Variants in SOX5 observed in about 807,000 individuals in gnomAD.
SOX5 encodes transcription factor SOX-5.
SOX5 carries 9 observed loss-of-function variants against 92.0 expected under a neutral mutation model. The ratio of observed to expected loss-of-function variants is 0.10; its 90% CI spans 0.06 to 0.17. The LOEUF (loss-of-function observed/expected upper bound fraction) is 0.17. Ranked by LOEUF, SOX5 falls within the 10% of genes least tolerant of loss-of-function variation. SOX5 has a pLI of 1.00. For missense variants in SOX5, 642 were observed against 944.5 expected (o/e 0.68, Z 4.20); for synonymous variants, 344 against 336.3 (o/e 1.02, Z -0.25).
intron 4 of SOX5, among the ~76,000 whole-genome samples, chr12:24,209,671 T>C (rs1299155403): frequency 6.6e-6 from 1 of 152,136 alleles, no homozygotes. Flanking sequence ...CCTCCCAAAT[T>C]ACTTTTTAAA....
chr12:23,630,912 T>C (rs2078447427), intron 8 of SOX5, among the ~76,000 whole-genome samples: 1 of 151,980 alleles, frequency 6.6e-6, no homozygotes, highest in Non-Finnish European at 1.5e-5. Flanking sequence ...TAAAATTGCT[T>C]TCATCATTTT....
At chr12:24,059,135 G>A (rs1053107674) in intron 4 of SOX5, among the ~76,000 whole-genome samples, 10 of 152,082 alleles carry the variant, frequency 6.6e-5, no homozygotes, top group Non-Finnish European at 1.5e-4. Flanking sequence ...CACATATACT[G>A]TATGCATATT....
chr12:24,123,743 C>A lies in SOX5; in HGVS notation c.-2+89600G>T, dbSNP rs1593369644. Among the ~76,000 whole-genome samples, 3 of 152,204 alleles carry A rather than the reference C, an allele frequency of 2.0e-5. No individual in the cohort carries two copies. The South Asian group carries it at 6.2e-4, about 31-fold the overall frequency. ...TAAATCATTTTGGCATAAATACCATCAGGCATATTCCAAAACAGAGAAACA... is the reference window on the plus strand; with the variant it reads ...TAAATCATTTTGGCATAAATACCATAAGGCATATTCCAAAACAGAGAAACA... On this transcript the variant is annotated intron_variant, in intron 4 of 4. Transcript: ENST00000446891.
At chr12:24,209,360 T>C (rs961848504) in intron 4 of SOX5, among the ~76,000 whole-genome samples, 3 of 152,220 alleles carry the variant, frequency 2.0e-5, no homozygotes, top group African/African-American at 7.2e-5. Flanking sequence ...AAGAATAATT[T>C]CCTTATTTAT....
chr12:24,362,298 C>A (rs917510405), intron 2 of SOX5, among the ~76,000 whole-genome samples: 2 of 143,928 alleles, frequency 1.4e-5, no homozygotes, highest in Non-Finnish European at 3.0e-5. Context: ...TTTGTTATTA[C>A]AAGTCACACA....
intron 1 of SOX5, among the ~76,000 whole-genome samples, chr12:24,503,552 A>G (rs141379193): frequency 8.6e-4 from 131 of 152,350 alleles, no homozygotes; most frequent in Non-Finnish European, 1.4e-3. Context: ...ACTGTTCACA[A>G]TAGCAAAGAC....
intron 4 of SOX5, among the ~76,000 whole-genome samples, chr12:24,014,701 G>A (rs1005666120): frequency 2.0e-5 from 3 of 152,138 alleles, no homozygotes; most frequent in South Asian, 2.1e-4. Context: ...GGAAAAAAGA[G>A]TAGAAAAGTC....
chr12:23,865,381 A>G (rs540722657), intron 2 of SOX5, among the ~76,000 whole-genome samples: 1 of 152,320 alleles, frequency 6.6e-6, no homozygotes, highest in Admixed American at 6.5e-5. Context: ...ATTATTTAAG[A>G]AATACATTTT....
intron 8 of SOX5, among the ~76,000 whole-genome samples, chr12:23,610,723 C>T (rs1160089095): frequency 6.6e-6 from 1 of 151,874 alleles, no homozygotes; most frequent in Non-Finnish European, 1.5e-5. Flanking sequence ...ATTTCATTTG[C>T]TTGAGAGGAA....
At chr12:23,623,080 T>TTG (rs1435594955) in intron 8 of SOX5, among the ~76,000 whole-genome samples, 1 of 152,120 alleles carries the variant, frequency 6.6e-6, no homozygotes, top group East Asian at 1.9e-4. Flanking sequence ...AAAGTTGTGT[T>TTG]TGTGTGTGTG....
In SOX5 at chr12:24,046,032, C is replaced by G. The variant is rs16927086; in HGVS notation, c.-1-150008G>C. ...GCGGTTTGCCCCCTCTGTCTCTCATCATTGCTTTTGGCTCAGTCCCTTGAC... is the reference window on the plus strand; with the variant it reads ...GCGGTTTGCCCCCTCTGTCTCTCATGATTGCTTTTGGCTCAGTCCCTTGAC... On this transcript the variant is annotated intron_variant, in intron 4 of 4. Transcript: ENST00000446891. Among the ~76,000 whole-genome samples the G allele has an allele frequency of 5.7e-3, 874 of 152,310 alleles. 11 individuals are homozygous for G. The highest frequency in any genetic ancestry group is 0.02 in the African/African-American group (844 of 41,568).
intron 10 of SOX5, among the ~76,000 whole-genome samples, chr12:23,566,339 T>C (rs796624121): frequency 6.6e-6 from 1 of 152,208 alleles, no homozygotes; most frequent in African/African-American, 2.4e-5. Flanking sequence ...CCCTCCTTAC[T>C]CTCCAGTTCT....
chr12:23,860,623 A>C lies in SOX5; in HGVS notation c.271-14430T>G, dbSNP rs74364876. Reference sequence around the variant, plus strand: ...GAGATGCCATACAATCTCCCTCAGGAAATTCAATTGTTTGAGATCTTTAAA... The same window carrying C: ...GAGATGCCATACAATCTCCCTCAGGCAATTCAATTGTTTGAGATCTTTAAA... On this transcript the variant is annotated intron_variant, in intron 2 of 14. Transcript: ENST00000451604. 9.9e-3 allele frequency among the ~76,000 whole-genome samples: 1,510 copies of C among 152,330 alleles called. 24 individuals are homozygous for C. The highest frequency in any genetic ancestry group is 0.034 in the African/African-American group (1,420 of 41,586).
intron 4 of SOX5, among the ~76,000 whole-genome samples, chr12:23,993,615 C>T (rs764791726): frequency 9.2e-5 from 14 of 152,218 alleles, no homozygotes; most frequent in Non-Finnish European, 2.1e-4. Context: ...GCCAAAGTCA[C>T]ATGGGATCCA....
chr12:24,561,968 C>T (rs1264301427), intron 1 of SOX5, among the ~76,000 whole-genome samples: 1 of 152,256 alleles, frequency 6.6e-6, no homozygotes, highest in African/African-American at 2.4e-5. Context: ...CCACCACTTA[C>T]AAAACAATAC....
At chr12:24,215,112 CT>C (rs1959062342) in intron 3 of SOX5, among the ~76,000 whole-genome samples, 1 of 152,086 alleles carries the variant, frequency 6.6e-6, no homozygotes, top group Admixed American at 6.5e-5. Context: ...CTTCCTCAAC[CT>C]AGTAAAGACC....
At chr12:23,611,406 A>ATATCTCACATTTTCTG (rs560073524) in intron 8 of SOX5, among the ~76,000 whole-genome samples, 177 of 151,592 alleles carry the variant, frequency 1.2e-3, no homozygotes, top group African/African-American at 4.1e-3. Flanking sequence ...ATTTATACAT[A>ATATCTCACATTTTCTG]TATCTCACAT....
chr12:24,330,524 T>A (rs919674048), intron 2 of SOX5, among the ~76,000 whole-genome samples: 1 of 152,208 alleles, frequency 6.6e-6, no homozygotes, highest in Non-Finnish European at 1.5e-5. Context: ...TGCCTGAGTG[T>A]CCTTGACAAC....
chr12:24,166,577 C>T (rs933506742), intron 4 of SOX5, among the ~76,000 whole-genome samples: 1 of 152,170 alleles, frequency 6.6e-6, no homozygotes, highest in Admixed American at 6.5e-5. Context: ...CAATTAACTC[C>T]ATTCAGGTCG....
Sources: allele counts gnomAD v4.1 joint callset (sites outside exome capture counted in the v4.1 genomes callset), GRCh38; gene constraint gnomAD v4.1.1; transcripts MANE v1.5; gene names NCBI Gene and HGNC (gene_info 2026-07-23, HGNC 2026-07-21).